ATP6V1H: variants seen among roughly 807,000 people sequenced by gnomAD.
ATP6V1H encodes ATPase H+ transporting V1 subunit H.
A neutral mutation model predicts 71.7 loss-of-function variants in ATP6V1H; 39 were observed. The observed-to-expected ratio is 0.54, with a 90% CI of 0.42 to 0.71. The LOEUF (loss-of-function observed/expected upper bound fraction) is 0.71. Among genes scored for constraint, ATP6V1H ranks in the 30% least tolerant of loss-of-function variants. The pLI, the probability that ATP6V1H is intolerant of heterozygous loss-of-function variation, is 0.00. For synonymous variants in ATP6V1H, 192 were observed against 199.3 expected (o/e 0.96, Z 0.31); for missense variants, 509 against 594.9 (o/e 0.86, Z 1.50).
intron 13 of ATP6V1H, among the ~76,000 whole-genome samples, chr8:53,738,576 C>T (rs1807309093): frequency 6.6e-6 from 1 of 152,174 alleles, no homozygotes; most frequent in East Asian, 1.9e-4. Context: ...ATCCACAGAT[C>T]CCCACACTTA....
At chr8:53,779,423 A>G (rs1275886357) in intron 9 of ATP6V1H, among the ~76,000 whole-genome samples, 1 of 151,834 alleles carries the variant, frequency 6.6e-6, no homozygotes, top group African/African-American at 2.4e-5. Context: ...TGTAATCCAT[A>G]GTCAAAGAAG....
intron 3 of ATP6V1H, among the ~76,000 whole-genome samples, chr8:53,830,646 G>C (rs1810976305): frequency 6.6e-6 from 1 of 151,750 alleles, no homozygotes; most frequent in South Asian, 2.1e-4. Flanking sequence ...AAGCTTCCTG[G>C]CAACTGCCCC....
In ATP6V1H at chr8:53,801,763, A is replaced by T. The variant is rs781652197; in HGVS notation, c.677+36T>A. 5 of 1,506,590 alleles carry T rather than the reference A, an allele frequency of 3.3e-6. No individual in the cohort carries two copies. In the Middle Eastern group the frequency reaches 8.6e-4, roughly 259 times the overall value. The allele number at this position is 1,506,590 out of a possible 1,614,324, so 93.3% of individuals were successfully genotyped here. On this transcript the variant is annotated intron_variant, in intron 8 of 13. Transcript: ENST00000359530. Reference sequence around the variant, plus strand: ...GAAAATGTCAAGGAGAGATGCTTGTAAATGTTATTTTACATTAAAAGGAAA... The same window carrying T: ...GAAAATGTCAAGGAGAGATGCTTGTTAATGTTATTTTACATTAAAAGGAAA...
chr8:53,819,391 G>A (rs1293261126), intron 4 of ATP6V1H, among the ~76,000 whole-genome samples: 1 of 150,636 alleles, frequency 6.6e-6, no homozygotes, highest in Non-Finnish European at 1.5e-5. Flanking sequence ...AATTAGCCGG[G>A]TGTGGCGGCA....
chr8:53,725,734 A>G (rs924943347), intron 13 of ATP6V1H, among the ~76,000 whole-genome samples: 3 of 151,950 alleles, frequency 2.0e-5, no homozygotes. Context: ...CCCAACTGGG[A>G]GATTAGCACA....
At chr8:53,803,308 G>A (rs1022273119) in intron 7 of ATP6V1H, among the ~76,000 whole-genome samples, 1 of 151,988 alleles carries the variant, frequency 6.6e-6, no homozygotes, top group Non-Finnish European at 1.5e-5. Flanking sequence ...CTGCACTCTA[G>A]CCTGGGTGAC....
intron 2 of ATP6V1H, among the ~76,000 whole-genome samples, chr8:53,837,072 C>T (rs984749708): frequency 6.6e-6 from 1 of 151,534 alleles, no homozygotes; most frequent in Non-Finnish European, 1.5e-5. Context: ...ACCCAAGAGG[C>T]GGAGGTTGCA....
chr8:53,842,743 C>T (rs1811384213), intron 1 of ATP6V1H: 1 of 152,316 alleles, frequency 6.6e-6, no homozygotes, highest in South Asian at 2.1e-4. Flanking sequence ...ACTCGCACCC[C>T]CAGCGATCCA....
intron 9 of ATP6V1H, among the ~76,000 whole-genome samples, chr8:53,773,930 AGAGT>A (rs1292289616): frequency 6.6e-6 from 1 of 152,218 alleles, no homozygotes; most frequent in Non-Finnish European, 1.5e-5. Flanking sequence ...AAACAGAAAA[AGAGT>A]AAGTGAACTT....
intron 12 of ATP6V1H, among the ~76,000 whole-genome samples, chr8:53,747,332 A>C (rs1362562635): frequency 6.6e-6 from 1 of 152,146 alleles, no homozygotes; most frequent in Non-Finnish European, 1.5e-5. Flanking sequence ...TATACCCTCT[A>C]GAGTTATAAA....
chr8:53,821,152 T>C (rs1270988159), intron 4 of ATP6V1H, among the ~76,000 whole-genome samples: 4 of 150,464 alleles, frequency 2.7e-5, no homozygotes, highest in East Asian at 2.0e-4. Context: ...AGGTGGATCA[T>C]TTGAGGTCAT....
chr8:53,804,884 C>G (rs1810028135), intron 7 of ATP6V1H, among the ~76,000 whole-genome samples: 1 of 152,136 alleles, frequency 6.6e-6, no homozygotes, highest in African/African-American at 2.4e-5. Context: ...ATAAATTCTT[C>G]AATGTTGCTG....
intron 7 of ATP6V1H, among the ~76,000 whole-genome samples, chr8:53,807,142 A>C (rs1810104010): frequency 6.6e-6 from 1 of 152,240 alleles, no homozygotes; most frequent in Non-Finnish European, 1.5e-5. Context: ...TTATAATCAA[A>C]GCAGTAAAGA....
chr8:53,776,332 A>G (rs565028130), intron 9 of ATP6V1H, among the ~76,000 whole-genome samples: 2 of 152,268 alleles, frequency 1.3e-5, no homozygotes, highest in South Asian at 2.1e-4. Context: ...TGGCCAGCCG[A>G]GAAAGGGGCT....
intron 7 of ATP6V1H, among the ~76,000 whole-genome samples, chr8:53,809,921 C>T (rs1340779504): frequency 6.6e-6 from 1 of 152,144 alleles, no homozygotes; most frequent in African/African-American, 2.4e-5. Flanking sequence ...TCTGATTCCA[C>T]TTCAGAAGGC....
chr8:53,804,646 C>A (rs1810020830), intron 7 of ATP6V1H, among the ~76,000 whole-genome samples: 1 of 152,090 alleles, frequency 6.6e-6, no homozygotes, highest in Non-Finnish European at 1.5e-5. Flanking sequence ...TGAACTCCAG[C>A]CTGGGCAACA....
intron 11 of ATP6V1H, among the ~76,000 whole-genome samples, chr8:53,764,543 T>C (rs1045711976): frequency 6.7e-6 from 1 of 149,872 alleles, no homozygotes; most frequent in Non-Finnish European, 1.5e-5. Context: ...ATAAAGATGA[T>C]GTGCAAAAAA....
chr8:53,719,784 C>T (rs1384235520), intron 13 of ATP6V1H, among the ~76,000 whole-genome samples: 1 of 152,174 alleles, frequency 6.6e-6, no homozygotes, highest in Non-Finnish European at 1.5e-5. Context: ...ATTAACTTGC[C>T]CAAGAGCTAA....
chr8:53,739,718 T>C (rs1200377772), intron 13 of ATP6V1H: 2 of 152,262 alleles, frequency 1.3e-5, no homozygotes, highest in Non-Finnish European at 1.5e-5. Flanking sequence ...TTCTCTTAGT[T>C]GTCACTGTTT....
Sources: gnomAD v4.1 joint callset for allele counts (sites outside exome capture counted in the v4.1 genomes callset) on GRCh38, gnomAD v4.1.1 for gene constraint, MANE v1.5 for transcripts, NCBI Gene and HGNC (gene_info 2026-07-23, HGNC 2026-07-21) for gene names.